The following PPP2R5C variants were observed in gnomAD, a reference collection of about 807,000 sequenced individuals.
PPP2R5C encodes the protein protein phosphatase 2 regulatory subunit B'gamma, also known as serine/threonine-protein phosphatase 2A 56 kDa regulatory subunit gamma isoform.
In PPP2R5C, 7 loss-of-function variants were observed where a neutral mutation model predicts 68.9. The ratio of observed to expected loss-of-function variants is 0.10; its 90% confidence interval spans 0.06 to 0.19. PPP2R5C has a LOEUF of 0.19. Ranked by LOEUF, PPP2R5C falls within the 10% of genes least tolerant of loss-of-function variation. The pLI, the probability that PPP2R5C is intolerant of heterozygous loss-of-function variation, is 1.00. For synonymous variants in PPP2R5C, 210 were observed against 222.2 expected, an observed-to-expected ratio of 0.95 and a Z score of 0.49; for missense variants, 348 against 641.3, an observed-to-expected ratio of 0.54 and a Z score of 4.94.
intron 2 of PPP2R5C, among the ~76,000 whole-genome samples, chr14:101,858,432 G>A (rs1480128997): frequency 1.3e-5 from 2 of 152,044 alleles, no homozygotes; most frequent in East Asian, 3.9e-4. Flanking sequence ...CAGGGTAATT[G>A]GGGTTTCCAT....
chr14:101,820,629 C>T (rs1448900284), intron 1 of PPP2R5C: 2 of 152,216 alleles, frequency 1.3e-5, no homozygotes, highest in Non-Finnish European at 2.9e-5. Flanking sequence ...TCCCACCAGA[C>T]GTGTCTGTCT....
chr14:101,806,248 C>T (rs928993461), upstream of PPP2R5C, among the ~76,000 whole-genome samples: 1 of 151,888 alleles, frequency 6.6e-6, no homozygotes, highest in Non-Finnish European at 1.5e-5. Flanking sequence ...TCCAAATGCT[C>T]TCCCACCCCC....
chr14:101,914,128 G>A (rs2046531444), intron 12 of PPP2R5C: 1 of 452,146 alleles, frequency 2.2e-6, no homozygotes, highest in African/African-American at 2.0e-5. Context: ...GTAACTTTCT[G>A]TATTCTTTTT....
At chr14:101,857,842 G>T (rs1008356341) in intron 2 of PPP2R5C, among the ~76,000 whole-genome samples, 1 of 152,112 alleles carries the variant, frequency 6.6e-6, no homozygotes, top group Non-Finnish European at 1.5e-5. Context: ...TTAAGTTACT[G>T]ATTTTTTTTT....
chr14:101,861,368 C>A (rs559353598), intron 2 of PPP2R5C, among the ~76,000 whole-genome samples: 1 of 152,274 alleles, frequency 6.6e-6, no homozygotes, highest in East Asian at 1.9e-4. Context: ...GAGAGCCTTT[C>A]GGAGGGCCTG....
intron 2 of PPP2R5C, chr14:101,767,178 A>C (rs916242300): frequency 6.6e-6 from 1 of 151,914 alleles, no homozygotes; most frequent in Non-Finnish European, 1.5e-5. Flanking sequence ...CCTTTAGTAA[A>C]TTTTTTCCTG....
In PPP2R5C at chr14:101,888,923, C is replaced by CCT. The variant is rs1363728550; in HGVS notation, c.630-1310_630-1309dup. Among the ~76,000 whole-genome samples the CCT allele has an allele frequency of 2.0e-5, 3 of 152,092 alleles. No homozygotes were observed. Among genetic ancestry groups the CCT allele is most frequent in the Non-Finnish European group, 4.4e-5 (3 of 68,014 alleles). ...CGGCTTTTCTAAGCTGGCCTTCCAG[C>CCT]CTCTCCATGCATCTTGCCCACCCCA... On this transcript the variant is annotated intron_variant, in intron 5 of 13. Coordinates refer to ENST00000334743, the Ensembl canonical transcript of PPP2R5C. This position sits in a 1 kb window ranked among gnomAD's most constrained non-coding sequence, Gnocchi z 5.6.
intron 2 of PPP2R5C, among the ~76,000 whole-genome samples, chr14:101,764,530 C>G (rs144343979): frequency 6.6e-6 from 1 of 152,168 alleles, no homozygotes; most frequent in African/African-American, 2.4e-5. Context: ...TTGGTGTATT[C>G]TGAACCTCCC....
chr14:101,774,066 T>A (rs890251272), intron 2 of PPP2R5C, among the ~76,000 whole-genome samples: 4 of 152,192 alleles, frequency 2.6e-5, no homozygotes, highest in Non-Finnish European at 5.9e-5. Flanking sequence ...TAAGAGGATC[T>A]TCCTAGCTGC....
intron 8 of PPP2R5C, among the ~76,000 whole-genome samples, chr14:101,898,677 C>T (rs900258734): frequency 1.3e-5 from 2 of 152,170 alleles, no homozygotes; most frequent in South Asian, 4.1e-4. Flanking sequence ...CCAACCTAGG[C>T]CCCGATGTTC....
intron 13 of PPP2R5C, among the ~76,000 whole-genome samples, 165 bp downstream of exon 15, chr14:101,918,112 T>C (rs983176163): frequency 3.4e-5 from 4 of 118,050 alleles, no homozygotes; most frequent in Admixed American, 2.3e-4. Flanking sequence ...ATCTTAGTGA[T>C]CAAATTACTA....
intron 2 of PPP2R5C, among the ~76,000 whole-genome samples, chr14:101,881,510 G>A (rs1021065413): frequency 1.3e-5 from 2 of 152,208 alleles, no homozygotes; most frequent in African/African-American, 4.8e-5. Flanking sequence ...GTCAGTATGT[G>A]TTATACAAGT....
At chr14:101,765,088 A>T (rs959637697) in intron 2 of PPP2R5C, 1 of 680,536 alleles carries the variant, frequency 1.5e-6, no homozygotes, top group Non-Finnish European at 2.7e-6. Context: ...CAGCCGTGTG[A>T]GACCTGCGGT....
exon 1 of PPP2R5C, chr14:101,809,913 G>T (rs368805981): frequency 5.9e-5 from 95 of 1,606,998 alleles, no homozygotes; most frequent in Non-Finnish European, 8.0e-5. Flanking sequence ...TTGCCTTAAG[G>T]AGCCCATTGC....
chr14:101,839,044 A>G (rs1261680637), intron 1 of PPP2R5C: 2 of 126,670 alleles, frequency 1.6e-5, no homozygotes, highest in Non-Finnish European at 3.3e-5. Context: ...ACTCTGTCTC[A>G]AATTAGAAAA....
At chr14:101,884,053 C>T (rs1393653442) in intron 5 of PPP2R5C, among the ~76,000 whole-genome samples, 1 of 152,204 alleles carries the variant, frequency 6.6e-6, no homozygotes, top group African/African-American at 2.4e-5. Flanking sequence ...GGGAGACGGA[C>T]AGTGCAGCCT....
chr14:101,828,976 G>A (rs1277509977), intron 1 of PPP2R5C, among the ~76,000 whole-genome samples: 1 of 152,186 alleles, frequency 6.6e-6, no homozygotes, highest in East Asian at 1.9e-4. Flanking sequence ...ACCGTGCCCA[G>A]CCTCAAAAGA....
chr14:101,809,892 A>C, upstream of PPP2R5C: 1 of 1,581,116 alleles, frequency 6.3e-7, no homozygotes, highest in Admixed American at 1.9e-5. Flanking sequence ...ACTAAAATGG[A>C]GGCTGGTTTC....
intron 1 of PPP2R5C, among the ~76,000 whole-genome samples, chr14:101,841,887 G>A (rs1284793713): frequency 4.6e-5 from 7 of 152,218 alleles, no homozygotes; most frequent in African/African-American, 1.2e-4. Context: ...GGTGGGGAGC[G>A]CCTCCTCCTT....
Sources: gnomAD v4.1 joint callset for allele counts (sites outside exome capture counted in the v4.1 genomes callset) on GRCh38, gnomAD v4.1.1 for gene constraint, Gnocchi (gnomAD v3.1) non-coding constraint, MANE v1.5 for transcripts, NCBI Gene and HGNC (gene_info 2026-07-23, HGNC 2026-07-21) for gene names.